Variants in ELOVL6 observed in about 807,000 individuals in gnomAD.
ELOVL6 encodes very long chain fatty acid elongase 6.
Under a neutral mutation model 31.7 loss-of-function variants are expected in ELOVL6, and 8 were observed. The ratio of observed to expected loss-of-function variants is 0.25; its 90% CI spans 0.15 to 0.45. ELOVL6 has a LOEUF of 0.45. Among genes scored for constraint, ELOVL6 ranks in the 20% least tolerant of loss-of-function variants. The pLI, the probability that ELOVL6 is intolerant of heterozygous loss-of-function variation, is 1.00. For missense variants in ELOVL6, 126 were observed against 326.4 expected (o/e 0.39, Z 4.73); for synonymous variants, 101 against 117.7 (o/e 0.86, Z 0.92).
intron 1 of ELOVL6, among the ~76,000 whole-genome samples, chr4:110,189,966 C>G (rs1191738328): frequency 7.5e-6 from 1 of 133,692 alleles, no homozygotes; most frequent in Admixed American, 7.5e-5. Context: ...GACTCCATCT[C>G]AAAAAAAAAA....
chr4:110,072,143 T>C (rs111758558), intron 2 of ELOVL6, among the ~76,000 whole-genome samples: 179 of 152,254 alleles, frequency 1.2e-3, no homozygotes, highest in African/African-American at 4.1e-3. Flanking sequence ...CTCAGAACAT[T>C]GAGTCTGCCA....
intron 1 of ELOVL6, among the ~76,000 whole-genome samples, chr4:110,162,954 C>A (rs1758673025): frequency 6.6e-6 from 1 of 152,112 alleles, no homozygotes; most frequent in Admixed American, 6.5e-5. Context: ...AGTGGTGCAG[C>A]TGGGGTTTGA....
chr4:110,074,045 T>G (rs1755562901), intron 2 of ELOVL6, among the ~76,000 whole-genome samples: 1 of 152,166 alleles, frequency 6.6e-6, no homozygotes, highest in Admixed American at 6.5e-5. Flanking sequence ...TTGTCCTTCC[T>G]GGGGTATTAC....
chr4:110,192,445 T>G lies in ELOVL6; in HGVS notation c.89+5802A>C, dbSNP rs571564885. Reference sequence around the variant, plus strand: ...TCATTAAGTTCCAATGTTATACACTTTGACACATTTAGAATCACCCTCAAA... The same window carrying G: ...TCATTAAGTTCCAATGTTATACACTGTGACACATTTAGAATCACCCTCAAA... On this transcript the variant is annotated intron_variant, in intron 1 of 3. Transcript: ENST00000302274. 7.9e-5 allele frequency among the ~76,000 whole-genome samples: 12 copies of G among 152,272 alleles called. No individual in the cohort carries two copies. In the East Asian group the frequency reaches 1.9e-3, roughly 24 times the overall value.
chr4:110,058,155 A>C (rs1263171341), intron 3 of ELOVL6, among the ~76,000 whole-genome samples: 2 of 152,102 alleles, frequency 1.3e-5, no homozygotes, highest in Admixed American at 6.5e-5. Context: ...TTTTAGATAA[A>C]GTTGCCATTC....
At chr4:110,171,411 A>AAAT (rs1553962234) in intron 1 of ELOVL6, among the ~76,000 whole-genome samples, 3 of 146,408 alleles carry the variant, frequency 2.0e-5, no homozygotes, top group African/African-American at 7.6e-5. Context: ...CTCCATCTCA[A>AAAT]AAATAAATAA....
intron 1 of ELOVL6, among the ~76,000 whole-genome samples, chr4:110,185,265 A>G (rs1759404605): frequency 6.6e-6 from 1 of 152,262 alleles, no homozygotes; most frequent in Non-Finnish European, 1.5e-5. Context: ...AAAACTAAAT[A>G]CAACTCAAGG....
chr4:110,145,229 G>A (rs1758073783), intron 1 of ELOVL6, among the ~76,000 whole-genome samples: 1 of 152,094 alleles, frequency 6.6e-6, no homozygotes, highest in African/African-American at 2.4e-5. Context: ...AGCTAACAGG[G>A]CTGGCAGGAA....
At chr4:110,078,609 C>A (rs1255536721) in intron 2 of ELOVL6, among the ~76,000 whole-genome samples, 1 of 152,168 alleles carries the variant, frequency 6.6e-6, no homozygotes, top group Non-Finnish European at 1.5e-5. Flanking sequence ...TGGAAAGGAA[C>A]AACCAGTACC....
At chr4:110,190,614 C>A (rs1470749674) in intron 1 of ELOVL6, among the ~76,000 whole-genome samples, 1 of 152,062 alleles carries the variant, frequency 6.6e-6, no homozygotes, top group Non-Finnish European at 1.5e-5. Flanking sequence ...AAGCGATTCT[C>A]CTGCCTCAGC....
chr4:110,149,121 G>A (rs544636196), intron 1 of ELOVL6, among the ~76,000 whole-genome samples: 39 of 152,214 alleles, frequency 2.6e-4, no homozygotes, highest in African/African-American at 7.9e-4. Context: ...CTTGGCTTCC[G>A]AAAGTGCTGG....
intron 2 of ELOVL6, among the ~76,000 whole-genome samples, chr4:110,069,146 TAATAATAATAATAATAATAATAATAGG>T (rs1233867554): frequency 1.4e-5 from 2 of 139,850 alleles, no homozygotes; most frequent in Admixed American, 1.6e-4. Context: ...ATAATAATAA[TAATAATAATAATAATAATAATAATAGG>T]GACACTTGGT....
At chr4:110,166,055 C>T (rs76636244) in intron 1 of ELOVL6, among the ~76,000 whole-genome samples, 6,018 of 152,230 alleles carry the variant, frequency 0.04, 179 homozygotes, top group East Asian at 0.14. Context: ...TCAACAAAAG[C>T]CCAGCTCAGA....
intron 1 of ELOVL6, among the ~76,000 whole-genome samples, chr4:110,181,130 C>A (rs1047022504): frequency 6.6e-6 from 1 of 150,716 alleles, no homozygotes; most frequent in Non-Finnish European, 1.5e-5. Flanking sequence ...AGAGTAAGAC[C>A]CAGTCTCAAA....
chr4:110,096,703 TA>T (rs1270289761), intron 2 of ELOVL6, among the ~76,000 whole-genome samples: 1 of 152,036 alleles, frequency 6.6e-6, no homozygotes, highest in Non-Finnish European at 1.5e-5. Flanking sequence ...GAAGAGTGTA[TA>T]AAGGGTAACG....
chr4:110,084,179 TATATAAC>T (rs1389639673), intron 2 of ELOVL6, among the ~76,000 whole-genome samples: 3 of 110,900 alleles, frequency 2.7e-5, no homozygotes, highest in Non-Finnish European at 5.3e-5. Flanking sequence ...ATATATGATA[TATATAAC>T]ATATAACTTA....
At position 110,108,235 on chromosome 4, in the gene ELOVL6, T is replaced by C. The variant is rs145660236; in HGVS notation, c.90-2607A>G. ...AGACATTTCCTTAAAATTACCATTATTTATCTTACCCATTCAACATAATTG... is the reference window on the plus strand; with the variant it reads ...AGACATTTCCTTAAAATTACCATTACTTATCTTACCCATTCAACATAATTG... On this transcript the variant is annotated intron_variant, in intron 1 of 3. Coordinates refer to ENST00000302274, the MANE Select transcript of ELOVL6 (RefSeq NM_024090.3). 6.1e-3 allele frequency among the ~76,000 whole-genome samples: 923 copies of C among 152,304 alleles called. 7 individuals are homozygous for C. Among genetic ancestry groups the C allele is most frequent in the Non-Finnish European group, 8.5e-3 (578 of 68,012 alleles).
intron 1 of ELOVL6, among the ~76,000 whole-genome samples, chr4:110,168,277 G>A (rs1182126396): frequency 1.3e-5 from 2 of 152,198 alleles, no homozygotes; most frequent in Non-Finnish European, 2.9e-5. Context: ...CACTTTGGGA[G>A]TCTGAGGTGG....
chr4:110,113,513 C>A (rs953173092), intron 1 of ELOVL6, among the ~76,000 whole-genome samples: 2 of 149,756 alleles, frequency 1.3e-5, no homozygotes, highest in African/African-American at 4.9e-5. Context: ...TAGGAGGTTG[C>A]GGCTGCAGTG....
Sources: allele counts gnomAD v4.1 joint callset (sites outside exome capture counted in the v4.1 genomes callset), GRCh38; gene constraint gnomAD v4.1.1; transcripts MANE v1.5; gene names NCBI Gene and HGNC (gene_info 2026-07-23, HGNC 2026-07-21).